Variants in GRID1 observed in about 807,000 individuals in gnomAD.
GRID1 encodes glutamate receptor ionotropic, delta-1.
Under a neutral mutation model 98.0 loss-of-function variants are expected in GRID1, and 28 were observed. The observed-to-expected ratio is 0.29, with a 90% CI of 0.21 to 0.39. GRID1 has a LOEUF of 0.39. Ranked by LOEUF, GRID1 falls within the 10% of genes least tolerant of loss-of-function variation. The pLI, the probability that GRID1 is intolerant of heterozygous loss-of-function variation, is 1.00. For synonymous variants in GRID1, 553 were observed against 538.5 expected (o/e 1.03, Z -0.37); for missense variants, 1,111 against 1,340.5 (o/e 0.83, Z 2.67).
At chr10:86,284,226 C>T (rs1847397450) in intron 2 of GRID1, among the ~76,000 whole-genome samples, 1 of 151,902 alleles carries the variant, frequency 6.6e-6, no homozygotes, top group Non-Finnish European at 1.5e-5. Context: ...ATACACCTGT[C>T]TTCAATCTGC....
chr10:86,295,407 C>T (rs1489212987), intron 2 of GRID1, among the ~76,000 whole-genome samples: 1 of 152,136 alleles, frequency 6.6e-6, no homozygotes, highest in Non-Finnish European at 1.5e-5. Flanking sequence ...ATGGGCAGGT[C>T]AGCAGTGAGC....
chr10:86,061,862 T>C (rs1589357089), intron 4 of GRID1, among the ~76,000 whole-genome samples: 1 of 152,224 alleles, frequency 6.6e-6, no homozygotes, highest in Non-Finnish European at 1.5e-5. Flanking sequence ...TTTTGGGCTT[T>C]TAGCAGGCTG....
At chr10:86,093,419 C>G (rs1844175942) in intron 4 of GRID1, among the ~76,000 whole-genome samples, 1 of 149,986 alleles carries the variant, frequency 6.7e-6, no homozygotes, top group Non-Finnish European at 1.5e-5. Flanking sequence ...AAACAAAAAG[C>G]TGGTTCTTTG....
chr10:86,101,298 C>G (rs562353115), intron 4 of GRID1, among the ~76,000 whole-genome samples: 1 of 152,278 alleles, frequency 6.6e-6, no homozygotes, highest in African/African-American at 2.4e-5. Context: ...GTGTAATTTA[C>G]ATAGCAAAAT....
intron 8 of GRID1, among the ~76,000 whole-genome samples, chr10:85,737,080 A>G (rs1158913621): frequency 2.6e-5 from 4 of 152,138 alleles, no homozygotes; most frequent in South Asian, 2.1e-4. Context: ...ACTCTTGAAC[A>G]TCTCAGGCAT....
In GRID1 at chr10:85,932,839, G is replaced by T. The variant is rs574429039; in HGVS notation, c.727-16600C>A. On this transcript the variant is annotated intron_variant, in intron 4 of 15. Transcript: ENST00000327946. ...CAGGGATGAGCATGGCTTGTGCAGG[G>T]GCTGACAGAAGAGGGAAAATCGGCA... Among the ~76,000 whole-genome samples the T allele has an allele frequency of 2.0e-5, 3 of 152,252 alleles. No homozygotes were observed. The East Asian group carries it at 5.8e-4, about 29-fold the overall frequency.
Position 85,602,405 on chromosome 10 carries a change from G to A in GRID1, c.2898C>T (p.Cys966=), listed in dbSNP as rs763069546. The change falls in exon 16 of 16, where the codon TGC becomes TGT. Residue 966 remains cysteine, a synonymous_variant. Coordinates refer to ENST00000327946, the MANE Select transcript of GRID1 (RefSeq NM_017551.3). ...GCCCCCCGTTGGGTGACCTGTGTTTGCACTGCATGGAGGGCATGGTCGCCG... is the reference window on the plus strand; with the variant it reads ...GCCCCCCGTTGGGTGACCTGTGTTTACACTGCATGGAGGGCATGGTCGCCG... ...SSSATMPSMQ[C]KHRSPNGGLF... The A allele has an allele frequency of 3.7e-6, 6 of 1,613,824 alleles. No individual in the cohort carries two copies. In the South Asian group the frequency reaches 5.5e-5, roughly 15 times the overall value.
chr10:86,154,110 T>C (rs550488991), intron 3 of GRID1, among the ~76,000 whole-genome samples: 1 of 152,196 alleles, frequency 6.6e-6, no homozygotes, highest in African/African-American at 2.4e-5. Flanking sequence ...GTATGATCAA[T>C]GCCAGTGGGG....
At chr10:86,310,152 C>A (rs1447532383) in intron 2 of GRID1, among the ~76,000 whole-genome samples, 5 of 152,212 alleles carry the variant, frequency 3.3e-5, no homozygotes, top group African/African-American at 9.6e-5. Flanking sequence ...CTGGCTCTGA[C>A]CTGACCCTGA....
chr10:85,650,015 C>A (rs1013401643), intron 12 of GRID1: 2 of 152,224 alleles, frequency 1.3e-5, no homozygotes, highest in Non-Finnish European at 2.9e-5. Context: ...ACAGGGGGCA[C>A]TACCATCTTA....
Position 85,986,634 on chromosome 10 carries a change from A to T in GRID1, c.727-70395T>A, listed in dbSNP as rs557762958. On this transcript the variant is annotated intron_variant, in intron 4 of 15. Transcript: ENST00000327946. ...GCAAGAGCAAGTCTGTGCCAGGCCC[A>T]CAGAGGTGAGGAAAGAGACTGAGAT... 2.0e-5 allele frequency among the ~76,000 whole-genome samples: 3 copies of T among 152,314 alleles called. No homozygotes were observed. The South Asian group carries it at 6.2e-4, about 32-fold the overall frequency.
intron 2 of GRID1, among the ~76,000 whole-genome samples, chr10:86,331,333 G>A (rs142439356): frequency 1.3e-5 from 2 of 152,180 alleles, no homozygotes; most frequent in African/African-American, 4.8e-5. Context: ...CGTCCTGACA[G>A]GGCCTCCCAG....
At chr10:85,702,640 A>G (rs1435846026) in intron 12 of GRID1, among the ~76,000 whole-genome samples, 1 of 152,140 alleles carries the variant, frequency 6.6e-6, no homozygotes, top group Non-Finnish European at 1.5e-5. Flanking sequence ...GTTGAAAGAC[A>G]TTAGTAAGGA....
intron 8 of GRID1, among the ~76,000 whole-genome samples, chr10:85,735,231 G>T (rs1181730625): frequency 6.6e-6 from 1 of 152,150 alleles, no homozygotes; most frequent in Non-Finnish European, 1.5e-5. Flanking sequence ...CAAGATCAGT[G>T]CCTGAAAAAC....
At chr10:86,103,006 C>T (rs183139365) in intron 4 of GRID1, among the ~76,000 whole-genome samples, 89 of 152,188 alleles carry the variant, frequency 5.8e-4, no homozygotes, top group African/African-American at 2.0e-3. Context: ...CATGCCTTTG[C>T]TGCTCCTTCA....
chr10:86,150,109 C>T (rs889105684), intron 3 of GRID1, among the ~76,000 whole-genome samples: 2 of 152,144 alleles, frequency 1.3e-5, no homozygotes, highest in African/African-American at 4.8e-5. Flanking sequence ...TTTCAGAGTC[C>T]TGCTGCTTTG....
At chr10:85,863,749 G>A (rs1330724552) in intron 6 of GRID1, among the ~76,000 whole-genome samples, 1 of 152,202 alleles carries the variant, frequency 6.6e-6, no homozygotes, top group African/African-American at 2.4e-5. Context: ...TGCCTGCCGG[G>A]TGGCCAGGCT....
At chr10:85,935,016 A>T (rs1564630433) in intron 4 of GRID1, among the ~76,000 whole-genome samples, 1 of 152,232 alleles carries the variant, frequency 6.6e-6, no homozygotes, top group Non-Finnish European at 1.5e-5. Flanking sequence ...GACTTCATAG[A>T]AGTAAGTTTC....
At chr10:85,825,851 A>AAATATAT (rs1189441512) in intron 8 of GRID1, among the ~76,000 whole-genome samples, 73 of 152,346 alleles carry the variant, frequency 4.8e-4, no homozygotes, top group African/African-American at 1.6e-3. Context: ...ACTGATTATC[A>AAATATAT]ATAACTTATA....
Sources: allele counts gnomAD v4.1 joint callset (sites outside exome capture counted in the v4.1 genomes callset), GRCh38; gene constraint gnomAD v4.1.1; transcripts MANE v1.5; gene names NCBI Gene and HGNC (gene_info 2026-07-23, HGNC 2026-07-21).